FTCDNL1: variants seen among roughly 807,000 people sequenced by gnomAD.
The protein encoded by FTCDNL1 is formiminotransferase N-terminal subdomain-containing protein.
In FTCDNL1, 11 loss-of-function variants were observed where a neutral mutation model predicts 5.9. The ratio of observed to expected loss-of-function variants is 1.87; its 90% confidence interval spans 1.18 to 3.10. The LOEUF (loss-of-function observed/expected upper bound fraction) is 3.10. FTCDNL1 is among the 30% of genes most tolerant of loss of function. FTCDNL1 has a pLI of 0.00. For missense variants in FTCDNL1, 115 were observed against 65.5 expected (o/e 1.76, Z -2.61); for synonymous variants, 58 against 24.8 (o/e 2.34, Z -3.99).
At position 199,793,986 on chromosome 2, in the gene FTCDNL1, C is replaced by T. The variant is rs377359214; in HGVS notation, c.212-33151G>A. Among the ~76,000 whole-genome samples the T allele has an allele frequency of 1.3e-3, 195 of 152,222 alleles. No homozygotes were observed. The Middle Eastern group carries it at 0.017, about 13-fold the overall frequency. On this transcript the variant is annotated intron_variant, in intron 3 of 3. Coordinates refer to the FTCDNL1 transcript ENST00000416668. ...AGTAAAAGCTGCATTTCTAATTATC[C>T]CAGCTGAAGATCACTTTTCCATATG...
chr2:199,840,756 T>C (rs1021122579), intron 3 of FTCDNL1, among the ~76,000 whole-genome samples: 2 of 152,016 alleles, frequency 1.3e-5, no homozygotes, highest in African/African-American at 4.8e-5. Context: ...CCCTACAGTA[T>C]GTGATTTTTA....
At chr2:199,797,811 G>C (rs751021241) in intron 3 of FTCDNL1, among the ~76,000 whole-genome samples, 6 of 152,312 alleles carry the variant, frequency 3.9e-5, no homozygotes, top group Middle Eastern at 6.8e-3. Flanking sequence ...AATGAAGCCG[G>C]GAGAGAAAAG....
rs866684530 is a variant in FTCDNL1 at position 199,768,924 on chromosome 2, C to T, written c.212-8089G>A. Among the ~76,000 whole-genome samples the T allele has an allele frequency of 3.0e-4, 46 of 152,266 alleles. No individual in the cohort carries two copies. In the Middle Eastern group the frequency reaches 0.01, roughly 34 times the overall value. On this transcript the variant is annotated intron_variant, in intron 3 of 3. Coordinates refer to the FTCDNL1 transcript ENST00000416668. ...TGGGTGGGCATCGTGGGCACCCTCACCATGGCCAGGAATGTTAGGGGGTGT... is the reference window on the plus strand; with the variant it reads ...TGGGTGGGCATCGTGGGCACCCTCATCATGGCCAGGAATGTTAGGGGGTGT...
chr2:199,843,753 C>T (rs1402901350), intron 3 of FTCDNL1, among the ~76,000 whole-genome samples: 1 of 152,142 alleles, frequency 6.6e-6, no homozygotes, highest in Non-Finnish European at 1.5e-5. Context: ...TTATAAGCCT[C>T]TGCATCTTGT....
the FTCDNL1 span, among the ~76,000 whole-genome samples, chr2:199,730,295 A>G: frequency 6.6e-6 from 1 of 152,190 alleles, no homozygotes; most frequent in Non-Finnish European, 1.5e-5. Flanking sequence ...AGATTTCATG[A>G]TGAAAACACC....
At chr2:199,835,148 A>G (rs1201190683) in intron 3 of FTCDNL1, among the ~76,000 whole-genome samples, 1 of 152,254 alleles carries the variant, frequency 6.6e-6, no homozygotes, top group Non-Finnish European at 1.5e-5. Flanking sequence ...ACTGCACTCC[A>G]GCCTGGGCAA....
At chr2:199,700,080 C>T in the FTCDNL1 span, among the ~76,000 whole-genome samples, 1 of 152,038 alleles carries the variant, frequency 6.6e-6, no homozygotes, top group Non-Finnish European at 1.5e-5. Context: ...AAATAAAAGG[C>T]ATTCAAATAG....
At chr2:199,724,877 G>T in the FTCDNL1 span, among the ~76,000 whole-genome samples, 1 of 152,022 alleles carries the variant, frequency 6.6e-6, no homozygotes, top group South Asian at 2.1e-4. Context: ...TGGGTAGAGA[G>T]TTCTGCAGAT....
At chr2:199,734,363 C>T in the FTCDNL1 span, among the ~76,000 whole-genome samples, 2 of 152,154 alleles carry the variant, frequency 1.3e-5, no homozygotes, top group African/African-American at 2.4e-5. Flanking sequence ...AGAAAAGCTT[C>T]CAACTTTTTT....
intron 3 of FTCDNL1, among the ~76,000 whole-genome samples, chr2:199,836,658 CG>C (rs541271360): frequency 7.9e-4 from 120 of 152,088 alleles, no homozygotes; most frequent in Non-Finnish European, 1.3e-3. Context: ...TCCAGCTATT[CG>C]GGAGGTGGAG....
the FTCDNL1 span, among the ~76,000 whole-genome samples, chr2:199,676,018 C>T: frequency 2.2e-4 from 34 of 152,322 alleles, no homozygotes; most frequent in Non-Finnish European, 4.0e-4. Flanking sequence ...TCCCAACGTG[C>T]TGGGACTACA....
Position 199,771,888 on chromosome 2 carries a change from T to C in FTCDNL1, c.212-11053A>G, listed in dbSNP as rs141901999. Among the ~76,000 whole-genome samples the C allele has an allele frequency of 2.3e-3, 346 of 152,352 alleles. 1 individual carries two copies. The highest frequency in any genetic ancestry group is 3.0e-3 in the Non-Finnish European group (203 of 68,032). ...TCCAGTGGATGCCTGAATCTTCTAATAGTACCAAGCTCTGTATACACTATG... is the reference window on the plus strand; with the variant it reads ...TCCAGTGGATGCCTGAATCTTCTAACAGTACCAAGCTCTGTATACACTATG... On this transcript the variant is annotated intron_variant, in intron 3 of 3. Transcript: ENST00000416668.
intron 3 of FTCDNL1, among the ~76,000 whole-genome samples, chr2:199,772,069 G>A (rs547121169): frequency 4.5e-4 from 69 of 152,306 alleles, no homozygotes; most frequent in African/African-American, 1.6e-3. Flanking sequence ...AGCAGAATAA[G>A]GGTTTCTTAA....
chr2:199,797,519 G>T (rs1206740923), intron 3 of FTCDNL1, among the ~76,000 whole-genome samples: 2 of 152,152 alleles, frequency 1.3e-5, no homozygotes, highest in Non-Finnish European at 1.5e-5. Flanking sequence ...GCCATATGGT[G>T]TGAAAATCCA....
the FTCDNL1 span, among the ~76,000 whole-genome samples, chr2:199,735,804 T>C: frequency 6.6e-6 from 1 of 152,180 alleles, no homozygotes; most frequent in African/African-American, 2.4e-5. Context: ...ATTTCCAGCA[T>C]GACACCAGGC....
At chr2:199,745,711 C>A in the FTCDNL1 span, among the ~76,000 whole-genome samples, 1 of 152,190 alleles carries the variant, frequency 6.6e-6, no homozygotes, top group Admixed American at 6.5e-5. Flanking sequence ...TCCACAAGGA[C>A]CCTTCTTGGC....
At chr2:199,821,358 CACCATGCTG>C (rs1701676322) in intron 3 of FTCDNL1, among the ~76,000 whole-genome samples, 4 of 148,038 alleles carry the variant, frequency 2.7e-5, no homozygotes, top group African/African-American at 1.0e-4. Flanking sequence ...CACAGGGTTT[CACCATGCTG>C]GCCAGGCTGG....
the FTCDNL1 span, among the ~76,000 whole-genome samples, chr2:199,708,851 T>C: frequency 6.6e-6 from 1 of 152,140 alleles, no homozygotes; most frequent in Non-Finnish European, 1.5e-5. Context: ...CTCAATGGTA[T>C]CCATAAGTAC....
At chr2:199,770,687 G>A (rs1239243586) in intron 3 of FTCDNL1, among the ~76,000 whole-genome samples, 2 of 152,128 alleles carry the variant, frequency 1.3e-5, no homozygotes, top group Admixed American at 1.3e-4. Context: ...TCTTCCCTGT[G>A]TATCTGGGAA....
Sources: gnomAD v4.1 joint callset for allele counts (sites outside exome capture counted in the v4.1 genomes callset) on GRCh38, gnomAD v4.1.1 for gene constraint, MANE v1.5 for transcripts, NCBI Gene and HGNC (gene_info 2026-07-23, HGNC 2026-07-21) for gene names.